The following LRRFIP1 variants were observed in gnomAD, a reference collection of about 807,000 sequenced individuals.
LRRFIP1 encodes LRR binding FLII interacting protein 1, also known as leucine-rich repeat flightless-interacting protein 1.
LRRFIP1 carries 62 observed loss-of-function variants against 104.4 expected under a neutral mutation model. The observed-to-expected ratio is 0.59, with a 90% confidence interval of 0.48 to 0.73. The LOEUF is 0.73. Ranked by LOEUF, LRRFIP1 falls within the 30% of genes least tolerant of loss-of-function variation. The probability of loss-of-function intolerance (pLI) is 0.00; values close to 1 mark genes in which losing one functional copy is unlikely to be tolerated. For missense variants in LRRFIP1, 796 were observed against 824.5 expected (o/e 0.97, Z 0.42); for synonymous variants, 300 against 299.0 (o/e 1.00, Z -0.03).
chr2:237,664,902 T>C (rs1172499799), intron 1 of LRRFIP1, among the ~76,000 whole-genome samples: 1 of 152,198 alleles, frequency 6.6e-6, no homozygotes, highest in African/African-American at 2.4e-5. Flanking sequence ...TCGTGTTCCA[T>C]TACATTGCAG....
intron 1 of LRRFIP1, among the ~76,000 whole-genome samples, chr2:237,693,193 A>C (rs533239387): frequency 6.6e-6 from 1 of 152,374 alleles, no homozygotes; most frequent in African/African-American, 2.4e-5. Flanking sequence ...GTGGTTGAAC[A>C]TGAATGGGAA....
At chr2:237,752,641 T>C (rs1159138175) in intron 14 of LRRFIP1, among the ~76,000 whole-genome samples, 1 of 152,212 alleles carries the variant, frequency 6.6e-6, no homozygotes, top group Non-Finnish European at 1.5e-5. Context: ...CTCCTCATGT[T>C]TGGGGACCTG....
chr2:237,754,504 T>A (rs1196257734), intron 15 of LRRFIP1, among the ~76,000 whole-genome samples: 3 of 152,234 alleles, frequency 2.0e-5, no homozygotes, highest in Admixed American at 2.0e-4. Context: ...TTTTTCATAC[T>A]TTTAGGAATT....
At position 237,774,354 on chromosome 2, in the gene LRRFIP1, T is replaced by A. The variant is rs114323712; in HGVS notation, c.1708-4T>A. ...ATACATATGGTTTTTTTTCTACCTT[T>A]TAGGTAATAAGGTTAGAGAGTCAAG... On this transcript the variant is annotated splice_region_variant and splice_polypyrimidine_tract_variant and intron_variant, in intron 22 of 23. Coordinates refer to ENST00000308482, the MANE Select transcript of LRRFIP1 (RefSeq NM_001137550.2). 1.6e-3 allele frequency: 2,509 copies of A among 1,573,888 alleles called. 39 individuals carry two copies. In the African/African-American group the frequency reaches 0.029, roughly 18 times the overall value.
At chr2:237,720,719 TC>T in intron 5 of LRRFIP1, 52 bp from the exon 6 acceptor site, 1 of 1,530,694 alleles carries the variant, frequency 6.5e-7, no homozygotes, top group Non-Finnish European at 9.1e-7. Flanking sequence ...CACTGGTTCT[TC>T]ATGTATGTTG....
chr2:237,656,124 A>G (rs980064942), intron 1 of LRRFIP1, among the ~76,000 whole-genome samples: 1 of 152,238 alleles, frequency 6.6e-6, no homozygotes, highest in Non-Finnish European at 1.5e-5. Flanking sequence ...ACGTAAATAT[A>G]TAGATACATC....
At chr2:237,751,402 A>G (rs905446576) in intron 14 of LRRFIP1, 131 bp downstream of exon 14, 11 of 699,520 alleles carry the variant, frequency 1.6e-5, no homozygotes, top group Middle Eastern at 2.7e-4. Flanking sequence ...AAGAACTCAC[A>G]ATGGCAGGAG....
chr2:237,732,889 G>GT (rs1276923396), intron 8 of LRRFIP1, among the ~76,000 whole-genome samples: 1 of 152,194 alleles, frequency 6.6e-6, no homozygotes, highest in Non-Finnish European at 1.5e-5. Flanking sequence ...GCTGTTTCCT[G>GT]TTTTTACAAG....
chr2:237,673,457 C>T (rs1222903842), intron 1 of LRRFIP1, among the ~76,000 whole-genome samples: 1 of 152,236 alleles, frequency 6.6e-6, no homozygotes, highest in Non-Finnish European at 1.5e-5. Flanking sequence ...CTCTGCACTT[C>T]CCTCTGGGTT....
chr2:237,739,286 A>T lies in LRRFIP1; in HGVS notation c.610A>T (p.Ser204Cys). The T allele has an allele frequency of 6.4e-7, 1 of 1,562,792 alleles. No individual in the cohort carries two copies. The highest frequency in any genetic ancestry group is 1.2e-5 in the South Asian group (1 of 84,898). Reference protein sequence around the residue: ...NSSSRASSRASSARASPVVEE... With the variant: ...NSSSRASSRACSARASPVVEE... Reference sequence around the variant, plus strand: ...CAGCTCCCGCGCCTCCTCCAGGGCCAGCTCGGCCCGGGCCAGCCCTGTGGT... The same window carrying T: ...CAGCTCCCGCGCCTCCTCCAGGGCCTGCTCGGCCCGGGCCAGCCCTGTGGT... Residue 204 changes from serine (S) to cysteine (C), a missense_variant, in exon 11 of 24, where the codon AGC (serine) becomes TGC (cysteine). Physicochemically the swap from Ser to Cys is moderately radical, Grantham distance 112. Coordinates refer to ENST00000308482, the MANE Select transcript of LRRFIP1 (RefSeq NM_001137550.2).
At chr2:237,694,543 G>A (rs1431699623) in intron 1 of LRRFIP1, among the ~76,000 whole-genome samples, 1 of 152,202 alleles carries the variant, frequency 6.6e-6, no homozygotes, top group Non-Finnish European at 1.5e-5. Flanking sequence ...GAAAGTGGTT[G>A]TGGGTGTTTC....
chr2:237,650,969 C>T (rs956585875), intron 1 of LRRFIP1, among the ~76,000 whole-genome samples: 1 of 152,112 alleles, frequency 6.6e-6, no homozygotes, highest in Non-Finnish European at 1.5e-5. Context: ...CCTTGAAATG[C>T]GTATCGGGTC....
chr2:237,742,897 A>C (rs974349023), intron 11 of LRRFIP1, among the ~76,000 whole-genome samples: 2 of 152,138 alleles, frequency 1.3e-5, no homozygotes, highest in African/African-American at 4.8e-5. Context: ...AGGGAGTTTC[A>C]GAACCCGGGT....
At chr2:237,670,894 T>TCTCCTCCTCCCTCTC (rs1224556778) in intron 1 of LRRFIP1, among the ~76,000 whole-genome samples, 3 of 152,120 alleles carry the variant, frequency 2.0e-5, no homozygotes, top group African/African-American at 7.2e-5. Flanking sequence ...AGCGGCAGGG[T>TCTCCTCCTCCCTCTC]CTCCTCCTCC....
At chr2:237,765,742 TATAAA>T (rs2060217037) in intron 19 of LRRFIP1, 4 of 950,024 alleles carry the variant, frequency 4.2e-6, no homozygotes, top group Non-Finnish European at 5.0e-6. Flanking sequence ...AATTGTAAAA[TATAAA>T]ATCACAAAGG....
chr2:237,778,344 C>A (rs1260114047), intron 23 of LRRFIP1, among the ~76,000 whole-genome samples: 4 of 152,216 alleles, frequency 2.6e-5, no homozygotes, highest in Non-Finnish European at 1.5e-5. Context: ...GTTCTTGTCA[C>A]CCCTCCAAAA....
intron 1 of LRRFIP1, among the ~76,000 whole-genome samples, chr2:237,646,397 A>T (rs1444692425): frequency 6.6e-6 from 1 of 151,736 alleles, no homozygotes; most frequent in Non-Finnish European, 1.5e-5. Flanking sequence ...ATTCTTCCTG[A>T]TGCTCTCCCT....
intron 7 of LRRFIP1, among the ~76,000 whole-genome samples, chr2:237,725,022 C>T (rs55955704): frequency 0.014 from 2,094 of 152,270 alleles, 15 homozygotes; most frequent in Middle Eastern, 0.031. Flanking sequence ...AGGTCACAGA[C>T]GCTTTGATAA....
At chr2:237,720,321 C>T (rs975872422) in intron 5 of LRRFIP1, among the ~76,000 whole-genome samples, 1 of 151,802 alleles carries the variant, frequency 6.6e-6, no homozygotes, top group Non-Finnish European at 1.5e-5. Context: ...AGTCTTGGCT[C>T]ACTGCAATGT....
Sources: allele counts gnomAD v4.1 joint callset (sites outside exome capture counted in the v4.1 genomes callset), GRCh38; gene constraint gnomAD v4.1.1; transcripts MANE v1.5; gene names NCBI Gene and HGNC (gene_info 2026-07-23, HGNC 2026-07-21).